Variants in XRN1 observed in about 807,000 individuals in gnomAD.
XRN1 encodes 5'-3' exoribonuclease 1, also known as strand-exchange protein 1 homolog.
XRN1 carries 67 observed loss-of-function variants against 222.3 expected under a neutral mutation model. The observed-to-expected ratio is 0.30, with a 90% CI of 0.25 to 0.37. XRN1 has a LOEUF of 0.37. Among genes scored for constraint, XRN1 ranks in the 10% least tolerant of loss-of-function variants. XRN1 has a pLI of 1.00. For missense variants in XRN1, 1,707 were observed against 2,000.2 expected, an observed-to-expected ratio of 0.85 and a Z score of 2.80; for synonymous variants, 643 against 652.4, an observed-to-expected ratio of 0.99 and a Z score of 0.22.
chr3:142,415,486 T>C (rs977030743), intron 13 of XRN1, among the ~76,000 whole-genome samples: 2 of 152,212 alleles, frequency 1.3e-5, no homozygotes, highest in Non-Finnish European at 2.9e-5. Flanking sequence ...AATTTCTTCA[T>C]CTGTAAAAGG....
intron 37 of XRN1, among the ~76,000 whole-genome samples, chr3:142,325,712 T>C (rs2065497066): frequency 6.6e-6 from 1 of 152,182 alleles, no homozygotes; most frequent in Non-Finnish European, 1.5e-5. Flanking sequence ...TAGTTGCCTG[T>C]GCTTTTGATG....
At position 142,403,709 on chromosome 3, in the gene XRN1, A is replaced by G. The variant is rs1559853374; in HGVS notation, c.2068T>C (p.Leu690=). 37 of 1,613,330 alleles carry G rather than the reference A, an allele frequency of 2.3e-5. No individual in the cohort carries two copies. The highest frequency in any genetic ancestry group is 3.1e-5 in the Non-Finnish European group (37 of 1,179,592). The change falls in exon 18 of 41, where the codon TTG becomes CTG. Residue 690 remains leucine, a synonymous_variant. Transcript: ENST00000392981. ...GATTCTGCATCCACTAAGATTTCCA[A>G]CATCATGTTTTCTCCACGACTGCTT... ...QQSSRGENMM[L]EILVDAESDE...
chr3:142,332,365 G>C lies in XRN1; in HGVS notation c.4222+10C>G. The C allele has an allele frequency of 6.4e-7, 1 of 1,562,512 alleles. No individual in the cohort carries two copies. Among genetic ancestry groups the C allele is most frequent in the East Asian group, 2.3e-5 (1 of 44,414 alleles). On this transcript the variant is annotated intron_variant, in intron 36 of 40. Coordinates refer to ENST00000392981, the MANE Select transcript of XRN1 (RefSeq NM_001282857.2). ...ATGATATTATTGGTAATAGTATTTA[G>C]TTTACTTACCTAATTTCTTATTTTG... is the stretch of plus-strand genomic sequence containing the variant.
At chr3:142,365,530 T>C (rs1051237073) in intron 27 of XRN1, among the ~76,000 whole-genome samples, 164 bp from the exon 28 acceptor site, 2 of 152,232 alleles carry the variant, frequency 1.3e-5, no homozygotes, top group African/African-American at 4.8e-5. Context: ...TAAACACATA[T>C]AAAATGCCTA....
At chr3:142,347,445 C>G in intron 32 of XRN1, 103 bp from the exon 33 acceptor site, 1 of 764,012 alleles carries the variant, frequency 1.3e-6, no homozygotes, top group East Asian at 3.1e-5. Flanking sequence ...TATATAGTTC[C>G]TTAGAAAAAA....
At chr3:142,355,921 A>G (rs945873448) in intron 31 of XRN1, among the ~76,000 whole-genome samples, 2 of 152,120 alleles carry the variant, frequency 1.3e-5, no homozygotes, top group African/African-American at 4.8e-5. Flanking sequence ...CCACCCCTAA[A>G]CTAACTTTCA....
intron 12 of XRN1, 42 bp from the exon 13 acceptor site, chr3:142,417,271 C>T (rs1376925814): frequency 1.3e-6 from 2 of 1,574,196 alleles, no homozygotes; most frequent in South Asian, 1.1e-5. Flanking sequence ...TTTCTGAAGA[C>T]AGGCCCGTGT....
intron 24 of XRN1, 43 bp from the exon 25 acceptor site, chr3:142,375,987 C>CACACAT: frequency 6.6e-7 from 1 of 1,521,848 alleles, no homozygotes; most frequent in Non-Finnish European, 8.8e-7. Flanking sequence ...CACACACACA[C>CACACAT]ACACACACAC....
At chr3:142,409,273 G>C (rs1221042832) in intron 15 of XRN1, among the ~76,000 whole-genome samples, 1 of 152,062 alleles carries the variant, frequency 6.6e-6, no homozygotes, top group African/African-American at 2.4e-5. Context: ...TCCTAAGTTT[G>C]CTTCAAGAAG....
Position 142,384,597 on chromosome 3 carries a change from G to T in XRN1, c.2428C>A (p.Gln810Lys). 2 of 1,613,038 alleles carry T rather than the reference G, an allele frequency of 1.2e-6. No homozygotes were observed. The highest frequency in any genetic ancestry group is 2.2e-5 in the South Asian group (2 of 90,908). Residue 810 changes from glutamine (Q) to lysine (K), a missense_variant, in exon 21 of 41, where the codon CAA (glutamine) becomes AAA (lysine). Gln to Lys is a moderately conservative substitution (Grantham distance 53). This residue lies in a region of XRN1 where 1,234 missense variants were observed against 1,518.2 expected (regional missense o/e 0.81). Coordinates refer to ENST00000392981, the MANE Select transcript of XRN1 (RefSeq NM_001282857.2). ...LLTGRKYQINQNGEVRLEKQW... is the reference protein window; with the variant it reads ...LLTGRKYQINKNGEVRLEKQW... Reference sequence around the variant, plus strand: ...TTCTCTAGACGAACTTCACCATTTTGATTTATTTGATATTTACGACCTGTG... The same window carrying T: ...TTCTCTAGACGAACTTCACCATTTTTATTTATTTGATATTTACGACCTGTG...
At chr3:142,340,355 C>G (rs1479197684) in intron 33 of XRN1, among the ~76,000 whole-genome samples, 4 of 151,622 alleles carry the variant, frequency 2.6e-5, no homozygotes, top group Non-Finnish European at 4.4e-5. Flanking sequence ...AACTCCATCT[C>G]AAAAACAACC....
chr3:142,419,010 A>G, intron 10 of XRN1, 129 bp from the exon 11 acceptor site: 1 of 828,662 alleles, frequency 1.2e-6, no homozygotes, highest in Admixed American at 2.1e-5. Flanking sequence ...TATCCTGCCC[A>G]TCTGTTTTTC....
At chr3:142,420,179 T>A (rs1218941501) in intron 10 of XRN1, 1 of 151,314 alleles carries the variant, frequency 6.6e-6, no homozygotes, top group Non-Finnish European at 1.5e-5. Context: ...AAAATAACAA[T>A]TTTTTTTTAA....
At chr3:142,400,870 T>C (rs944610021) in intron 18 of XRN1, among the ~76,000 whole-genome samples, 5 of 151,920 alleles carry the variant, frequency 3.3e-5, no homozygotes, top group Non-Finnish European at 7.4e-5. Flanking sequence ...TGAGGTGAGA[T>C]TGCACCACTG....
chr3:142,411,890 C>T (rs920088624), intron 15 of XRN1, among the ~76,000 whole-genome samples: 10 of 149,990 alleles, frequency 6.7e-5, no homozygotes, highest in African/African-American at 2.0e-4. Flanking sequence ...GGCGCGATCT[C>T]GGTTCACTGT....
intron 33 of XRN1, 134 bp from the exon 34 acceptor site, chr3:142,335,643 A>T (rs1440664228): frequency 4.1e-6 from 3 of 740,536 alleles, no homozygotes; most frequent in Non-Finnish European, 6.7e-6. Context: ...GAACTTAAGG[A>T]ATTTATAACA....
Position 142,329,501 on chromosome 3 carries a change from TCA to T in XRN1, c.4335_4336del (p.Glu1446ThrfsTer14). On this transcript the variant is annotated frameshift_variant, in exon 37 of 41. Coordinates refer to ENST00000392981, the MANE Select transcript of XRN1 (RefSeq NM_001282857.2). LOFTEE classifies it high-confidence loss of function. ...AACAAGGGAACAAATTCGAGAAAGT[TCA>T]GTTACTGGTGTGGATACAGGAGGGA... is the stretch of plus-strand genomic sequence containing the variant. 1 of 1,595,254 alleles carries T rather than the reference TCA, an allele frequency of 6.3e-7. No homozygotes were observed. Among genetic ancestry groups the T allele is most frequent in the South Asian group, 1.2e-5 (1 of 86,906 alleles).
chr3:142,376,708 G>GAT, intron 23 of XRN1, 114 bp from the exon 24 acceptor site: 3 of 749,948 alleles, frequency 4.0e-6, no homozygotes, highest in Non-Finnish European at 6.4e-6. Flanking sequence ...ATTGGATTGT[G>GAT]GCAATATAAG....
At chr3:142,410,572 C>A (rs1023511300) in intron 15 of XRN1, among the ~76,000 whole-genome samples, 5 of 135,850 alleles carry the variant, frequency 3.7e-5, no homozygotes. Flanking sequence ...CTGCTCACTG[C>A]AACCTCTGCC....
Sources: gnomAD v4.1 joint callset for allele counts (sites outside exome capture counted in the v4.1 genomes callset) on GRCh38, gnomAD v4.1.1 for gene constraint, gnomAD v4.1.1 regional missense constraint, MANE v1.5 for transcripts, NCBI Gene and HGNC (gene_info 2026-07-23, HGNC 2026-07-21) for gene names.